CFAP54: variants seen among roughly 807,000 people sequenced by gnomAD.
CFAP54 encodes the protein cilia- and flagella-associated protein 54.
In CFAP54, 290 loss-of-function variants were observed where a neutral mutation model predicts 370.4. The ratio of observed to expected loss-of-function variants is 0.78; its 90% CI spans 0.71 to 0.86. The LOEUF is 0.86. Among genes scored for constraint, CFAP54 ranks in the 40% least tolerant of loss-of-function variants. The probability of loss-of-function intolerance (pLI) is 0.00; values close to 1 mark genes in which losing one functional copy is unlikely to be tolerated. For synonymous variants in CFAP54, 1,206 were observed against 1,236.5 expected, an observed-to-expected ratio of 0.98 and a Z score of 0.52; for missense variants, 3,399 against 3,528.7, an observed-to-expected ratio of 0.96 and a Z score of 0.93.
At position 96,742,570 on chromosome 12, in the gene CFAP54, C is replaced by A. The variant is rs1592736835; in HGVS notation, c.7203C>A (p.Gly2401=). 1 of 1,612,310 alleles carries A rather than the reference C, an allele frequency of 6.2e-7. No homozygotes were observed. The highest frequency in any genetic ancestry group is 2.2e-5 in the East Asian group (1 of 44,778). The change falls in exon 52 of 68, where the codon GGC becomes GGA. Residue 2401 remains glycine (G), a synonymous_variant. Transcript: ENST00000524981. ...CTGCATTTGTTGCACAGATTCATGG[C>A]ATTGGAATTGTGAAAGGTACAAACA... ...LVTAFVAQIH[G]IGIVKEDDMT...
intron 66 of CFAP54, among the ~76,000 whole-genome samples, chr12:96,857,963 T>G (rs1959758984): frequency 6.6e-6 from 1 of 152,210 alleles, no homozygotes; most frequent in Non-Finnish European, 1.5e-5. Context: ...AATGAACATT[T>G]GTGTGCACAT....
intron 26 of CFAP54, among the ~76,000 whole-genome samples, chr12:96,615,898 C>G (rs534949553): frequency 5.0e-4 from 76 of 152,334 alleles, no homozygotes; most frequent in African/African-American, 1.7e-3. Context: ...AATAGGAACA[C>G]TTTTACACAG....
intron 49 of CFAP54, 93 bp downstream of exon 49, chr12:96,718,615 C>G: frequency 1.4e-6 from 1 of 705,496 alleles, no homozygotes; most frequent in Admixed American, 2.9e-5. Context: ...TATGCTTGCT[C>G]TTGTGAGAGC....
intron 5 of CFAP54, among the ~76,000 whole-genome samples, chr12:96,515,174 A>AT (rs1475296893): frequency 6.6e-6 from 1 of 151,830 alleles, no homozygotes; most frequent in African/African-American, 2.4e-5. Context: ...TGCCAGGCTA[A>AT]TTTTTTGTAT....
intron 27 of CFAP54, among the ~76,000 whole-genome samples, chr12:96,622,701 G>C (rs1327412990): frequency 6.6e-6 from 1 of 152,134 alleles, no homozygotes; most frequent in Admixed American, 6.6e-5. Flanking sequence ...CCCTTCCATG[G>C]CTTGGGTGGG....
chr12:96,729,134 G>C (rs1349154541), intron 50 of CFAP54, among the ~76,000 whole-genome samples: 3 of 151,914 alleles, frequency 2.0e-5, no homozygotes, highest in African/African-American at 7.3e-5. Context: ...AGGGGTCGGG[G>C]ACCCACTTGA....
intron 1 of CFAP54, among the ~76,000 whole-genome samples, chr12:96,495,286 TTC>T (rs1954938559): frequency 6.8e-6 from 1 of 147,728 alleles, no homozygotes; most frequent in Admixed American, 6.8e-5. Flanking sequence ...CCTTCCTTCC[TTC>T]CTTCTTTCCT....
At chr12:96,860,708 G>T (rs1592817692) in intron 66 of CFAP54, 111 bp from the exon 67 acceptor site, 2 of 1,121,676 alleles carry the variant, frequency 1.8e-6, no homozygotes, top group East Asian at 5.4e-5. Context: ...AGACACACAA[G>T]TTAGCTATCT....
At chr12:96,804,663 T>G in intron 63 of CFAP54, among the ~76,000 whole-genome samples, 1 of 151,992 alleles carries the variant, frequency 6.6e-6, no homozygotes, top group East Asian at 1.9e-4. Flanking sequence ...TTTGCGAGCA[T>G]CAATATTACT....
intron 55 of CFAP54, 86 bp from the exon 56 acceptor site, chr12:96,753,657 C>T: frequency 1.5e-6 from 2 of 1,291,476 alleles, no homozygotes; most frequent in East Asian, 4.7e-5. Context: ...GATTTCATTA[C>T]TGTGAGAGCA....
At chr12:96,575,963 A>G (rs1313100396) in intron 19 of CFAP54, among the ~76,000 whole-genome samples, 1 of 152,042 alleles carries the variant, frequency 6.6e-6, no homozygotes, top group Admixed American at 6.6e-5. Flanking sequence ...ATTATTGCTT[A>G]TGTATTTAGC....
chr12:96,604,727 C>T (rs1956282780), intron 26 of CFAP54, among the ~76,000 whole-genome samples: 1 of 152,240 alleles, frequency 6.6e-6, no homozygotes, highest in South Asian at 2.1e-4. Flanking sequence ...CCAGGTTGAT[C>T]TCAGACTGCT....
chr12:96,686,373 G>T (rs1328214479), intron 42 of CFAP54, among the ~76,000 whole-genome samples: 3 of 152,150 alleles, frequency 2.0e-5, no homozygotes, highest in Non-Finnish European at 4.4e-5. Flanking sequence ...AGGTTACTGG[G>T]TATGTTAGGC....
In CFAP54 at chr12:96,538,520, T is replaced by C. The variant is rs1177800822; in HGVS notation, c.1926+2T>C. 3 of 1,534,774 alleles carry C rather than the reference T, an allele frequency of 2.0e-6. No homozygotes were observed. Among genetic ancestry groups the C allele is most frequent in the Middle Eastern group, 1.7e-4 (1 of 6,008 alleles). ...ACCCAGAAAATCAGTACTAACAAAGTATTCCTTTCGCATTCCCTTTCACGT... is the reference window on the plus strand; with the variant it reads ...ACCCAGAAAATCAGTACTAACAAAGCATTCCTTTCGCATTCCCTTTCACGT... On this transcript the variant is annotated splice_donor_variant, in intron 13 of 67. Transcript: ENST00000524981. LOFTEE classifies it high-confidence loss of function.
intron 24 of CFAP54, among the ~76,000 whole-genome samples, chr12:96,593,089 T>G (rs1383506965): frequency 1.3e-5 from 2 of 152,184 alleles, no homozygotes; most frequent in African/African-American, 4.8e-5. Flanking sequence ...CTTGCACATA[T>G]TTTCATGCTG....
At chr12:96,602,953 T>C (rs1173337983) in intron 26 of CFAP54, among the ~76,000 whole-genome samples, 1 of 152,232 alleles carries the variant, frequency 6.6e-6, no homozygotes, top group Non-Finnish European at 1.5e-5. Context: ...TTAGCCCATT[T>C]ACATTTAAGG....
At chr12:96,560,904 T>A (rs1176239720) in intron 17 of CFAP54, among the ~76,000 whole-genome samples, 1 of 152,224 alleles carries the variant, frequency 6.6e-6, no homozygotes, top group Non-Finnish European at 1.5e-5. Context: ...ATTTTCTAAT[T>A]GAATTATTCC....
Position 96,691,147 on chromosome 12 carries a change from T to G in CFAP54, c.6101T>G (p.Leu2034Arg). The G allele has an allele frequency of 6.2e-7, 1 of 1,613,512 alleles. No individual in the cohort carries two copies. The highest frequency in any genetic ancestry group is 1.1e-5 in the South Asian group (1 of 90,990). Residue 2034 changes from leucine to arginine, a missense_variant, in exon 44 of 68, where the codon CTT (leucine) becomes CGT (arginine). Leu to Arg is a moderately radical substitution (Grantham distance 102, BLOSUM62 -2). This residue lies in a region of CFAP54 where 2,796 missense variants were observed against 2,869.7 expected (regional missense o/e 0.97). Transcript: ENST00000524981. Reference sequence around the variant, plus strand: ...TTTCAGGGTTTGCTTAGAACAACACTTCCACATCCCAAAGCTGAACGTTGC... The same window carrying G: ...TTTCAGGGTTTGCTTAGAACAACACGTCCACATCCCAAAGCTGAACGTTGC... ...LLFQGLLRTT[L>R]PHPKAERCYA...
At chr12:96,798,457 A>G (rs1958788683) in intron 63 of CFAP54, among the ~76,000 whole-genome samples, 1 of 151,372 alleles carries the variant, frequency 6.6e-6, no homozygotes, top group African/African-American at 2.4e-5. Context: ...TTTGCTGTTG[A>G]GAGTTAAGCC....
Sources: gnomAD v4.1 joint callset for allele counts (sites outside exome capture counted in the v4.1 genomes callset) on GRCh38, gnomAD v4.1.1 for gene constraint, gnomAD v4.1.1 regional missense constraint, MANE v1.5 for transcripts, NCBI Gene and HGNC (gene_info 2026-07-23, HGNC 2026-07-21) for gene names.